The following ATP1A1 variants were observed in gnomAD, a reference collection of about 807,000 sequenced individuals.
ATP1A1 encodes sodium/potassium-transporting ATPase subunit alpha-1.
ATP1A1 carries 14 observed loss-of-function variants against 114.8 expected under a neutral mutation model. That is an observed-to-expected ratio of 0.12 (90% confidence interval 0.08 to 0.19). The LOEUF (loss-of-function observed/expected upper bound fraction) is 0.19. ATP1A1 is among the 10% of genes least tolerant of loss of function. The pLI is 1.00. For missense variants in ATP1A1, 524 were observed against 1,290.7 expected (o/e 0.41, Z 9.10); for synonymous variants, 471 against 466.3 (o/e 1.01, Z -0.13).
rs1168287662 is a variant in ATP1A1 at position 116,390,111 on chromosome 1, A to G, written c.1024-102A>G. ...CAAACTTCAGAAGAAGGTTGGAGAG[A>G]TTTAATTTTAGACAAATTTCTTCCA... On this transcript the variant is annotated intron_variant, in intron 8 of 22. Coordinates refer to ENST00000295598, the MANE Select transcript of ATP1A1 (RefSeq NM_000701.8). 6 of 1,212,632 alleles carry G rather than the reference A, an allele frequency of 4.9e-6. No individual in the cohort carries two copies. The Admixed American group carries it at 1.2e-4, about 24-fold the overall frequency. 75.1% of individuals were successfully genotyped at this position (1,212,632 alleles called of 1,614,324 possible). A position where few individuals can be genotyped will look rare whatever the true frequency, so the allele number is the denominator to read the frequency against.
chr1:116,397,860 T>A lies in ATP1A1; in HGVS notation c.1974-28T>A, dbSNP rs1367824182. The A allele has an allele frequency of 2.7e-5, 5 of 187,146 alleles. No individual in the cohort carries two copies. Among genetic ancestry groups the A allele is most frequent in the Non-Finnish European group, 4.9e-5 (5 of 103,048 alleles). The allele number at this position is 187,146 out of a possible 1,614,324, so 11.6% of individuals were successfully genotyped here. On this transcript the variant is annotated intron_variant, in intron 14 of 22. Transcript: ENST00000295598. The surrounding 1 kb of genome is among the most constrained non-coding windows in gnomAD (Gnocchi z 4.2). Reference sequence around the variant, plus strand: ...ACATGCTGGTGATGTGATGCGTGACTTTTTTTTTTTTTTTGTCCTAATTCT... The same window carrying A: ...ACATGCTGGTGATGTGATGCGTGACATTTTTTTTTTTTTTGTCCTAATTCT...
Position 116,398,167 on chromosome 1 carries a change from A to T in ATP1A1, c.2124+129A>T. The T allele has an allele frequency of 7.7e-7, 1 of 1,303,190 alleles. No homozygotes were observed. Among genetic ancestry groups the T allele is most frequent in the Non-Finnish European group, 1.0e-6 (1 of 961,332 alleles). The allele number at this position is 1,303,190 out of a possible 1,614,324, so 80.7% of individuals were successfully genotyped here. ...GTATTAGACTCAGTATAAATAGGCC[A>T]GTAGGAAGCTCATAGGCATAGAGAG... On this transcript the variant is annotated intron_variant, in intron 15 of 22. Transcript: ENST00000295598. The surrounding 1 kb of genome is among the most constrained non-coding windows in gnomAD (Gnocchi z 6.1).
At position 116,399,815 on chromosome 1, in the gene ATP1A1, T is replaced by A. The variant is rs1653279765; in HGVS notation, c.2572+272T>A. Among the ~76,000 whole-genome samples, 1 of 152,238 alleles carries A rather than the reference T, an allele frequency of 6.6e-6. No individual in the cohort carries two copies. The highest frequency in any genetic ancestry group is 2.1e-4 in the South Asian group (1 of 4,828). ...CTCAACTCTGCCTGAGAAATGAGGA[T>A]GTCCTTCCTCACTGAGCCTTGCGGA... On this transcript the variant is annotated intron_variant, in intron 18 of 22. Transcript: ENST00000295598. This position sits in a 1 kb window ranked among gnomAD's most constrained non-coding sequence, Gnocchi z 5.0.
intron 13 of ATP1A1, among the ~76,000 whole-genome samples, chr1:116,396,097 T>C (rs1003695743): frequency 2.6e-5 from 4 of 152,140 alleles, no homozygotes; most frequent in Admixed American, 2.6e-4. Flanking sequence ...GTAGAAGTTA[T>C]TTCCTCACCA....
rs1395418180 is a variant in ATP1A1, at chr1:116,401,865, T to C, written c.2951+210T>C. 2 of 598,174 alleles carry C rather than the reference T, an allele frequency of 3.3e-6. No individual in the cohort carries two copies. The highest frequency in any genetic ancestry group is 5.9e-6 in the Non-Finnish European group (2 of 339,234). The allele number at this position is 598,174 out of a possible 1,614,324, so 37.1% of individuals were successfully genotyped here. ...ATGATAGCAGCTAGTGTTTAGGATT[T>C]GGCCCAAGATAAGATAAAGCCACAC... On this transcript the variant is annotated intron_variant, in intron 21 of 22. Transcript: ENST00000295598. The surrounding 1 kb of genome is among the most constrained non-coding windows in gnomAD (Gnocchi z 4.7).
rs1651131762 is a variant in ATP1A1 at position 116,373,523 on chromosome 1, G to A, written c.12G>A (p.Gly4=). 3.4e-6 allele frequency: 5 copies of A among 1,475,156 alleles called. No individual in the cohort carries two copies. The highest frequency in any genetic ancestry group is 1.4e-5 in the South Asian group (1 of 73,484). The allele number at this position is 1,475,156 out of a possible 1,614,324, so 91.4% of individuals were successfully genotyped here. A position where few individuals can be genotyped will look rare whatever the true frequency, so the allele number is the denominator to read the frequency against. MGK[G]VGRDKYEPAA... is the part of the protein sequence containing the mutation. ...TGAGCACCGCCACCATGGGGAAGGG[G>A]GTGAGTGTCCGGCGCGCCCGGGGAG... The change falls in exon 1 of 23, where the codon GGG becomes GGA. Residue 4 remains glycine, a splice_region_variant and synonymous_variant. Transcript: ENST00000295598.
Position 116,373,273 on chromosome 1 carries a change from C to A in ATP1A1, c.-239C>A. On this transcript the variant is annotated 5_prime_UTR_variant, in exon 1 of 23. Coordinates refer to ENST00000295598, the MANE Select transcript of ATP1A1 (RefSeq NM_000701.8). Reference sequence around the variant, plus strand: ...CTGCGGCGGGGTCTGGGGCGCAGAGCAGCGGCGGGAGGAGGCGGACACGTG... The same window carrying A: ...CTGCGGCGGGGTCTGGGGCGCAGAGAAGCGGCGGGAGGAGGCGGACACGTG... 2.5e-6 allele frequency: 1 copy of A among 393,668 alleles called. No individual in the cohort carries two copies. Among genetic ancestry groups the A allele is most frequent in the Non-Finnish European group, 4.5e-6 (1 of 222,584 alleles). 24.4% of individuals were successfully genotyped at this position (393,668 alleles called of 1,614,324 possible). A position where few individuals can be genotyped will look rare whatever the true frequency, so the allele number is the denominator to read the frequency against.
Position 116,401,757 on chromosome 1 carries a change from G to C in ATP1A1, c.2951+102G>C. The C allele has an allele frequency of 8.2e-7, 1 of 1,216,798 alleles. No individual in the cohort carries two copies. The highest frequency in any genetic ancestry group is 1.2e-6 in the Non-Finnish European group (1 of 846,278). 75.4% of individuals were successfully genotyped at this position (1,216,798 alleles called of 1,614,324 possible). On this transcript the variant is annotated intron_variant, in intron 21 of 22. Coordinates refer to ENST00000295598, the MANE Select transcript of ATP1A1 (RefSeq NM_000701.8). The surrounding 1 kb of genome is among the most constrained non-coding windows in gnomAD (Gnocchi z 4.7). ...GTTGTTATTTTCAGAATTTTGAGTG[G>C]TATGTACAAAAATTCCTATGGGTTG...
chr1:116,380,844 G>A (rs1243145297), intron 1 of ATP1A1, among the ~76,000 whole-genome samples: 1 of 152,052 alleles, frequency 6.6e-6, no homozygotes, highest in Non-Finnish European at 1.5e-5. Context: ...AGGATGAAAT[G>A]ATGACGCTGT....
At chr1:116,386,143 AAAAAAAAAAAAAAAGG>A (rs1324111481) in intron 3 of ATP1A1, 1 of 148,924 alleles carries the variant, frequency 6.7e-6, no homozygotes, top group Non-Finnish European at 1.5e-5. Context: ...AAAAAAAAAA[AAAAAAAAAAAAAAAGG>A]AGAGAAGAAC....
Position 116,399,940 on chromosome 1 carries a change from T to C in ATP1A1, c.2572+397T>C, listed in dbSNP as rs1292795013. On this transcript the variant is annotated intron_variant, in intron 18 of 22. Coordinates refer to ENST00000295598, the MANE Select transcript of ATP1A1 (RefSeq NM_000701.8). This position sits in a 1 kb window ranked among gnomAD's most constrained non-coding sequence, Gnocchi z 5.0. The stretch of plus-strand genomic sequence containing the variant: ...TCACTCACTTGGATGGAGTTAGGCA[T>C]TGGAGAAAGTATATGTGTTTGAGAG... 6.6e-6 allele frequency among the ~76,000 whole-genome samples: 1 copy of C among 152,184 alleles called. No individual in the cohort carries two copies. Among genetic ancestry groups the C allele is most frequent in the Non-Finnish European group, 1.5e-5 (1 of 68,026 alleles).
Position 116,404,459 on chromosome 1 carries a change from C to T in ATP1A1, c.*15C>T, listed in dbSNP as rs779252492. On this transcript the variant is annotated 3_prime_UTR_variant, in exon 23 of 23. Coordinates refer to ENST00000295598, the MANE Select transcript of ATP1A1 (RefSeq NM_000701.8). This position sits in a 1 kb window ranked among gnomAD's most constrained non-coding sequence, Gnocchi z 4.8. Reference sequence around the variant, plus strand: ...CCTACTATTAGCCCCCCGTCCTGCACGCCGTGGAGCATCAGGCCACACACT... The same window carrying T: ...CCTACTATTAGCCCCCCGTCCTGCATGCCGTGGAGCATCAGGCCACACACT... The T allele has an allele frequency of 3.3e-5, 53 of 1,607,528 alleles. No homozygotes were observed. Among genetic ancestry groups the T allele is most frequent in the Admixed American group, 6.9e-5 (4 of 57,928 alleles).
At chr1:116,390,686 A>C (rs1414153910) in intron 9 of ATP1A1, 96 bp from the exon 10 acceptor site, 1 of 1,008,264 alleles carries the variant, frequency 9.9e-7, no homozygotes, top group Non-Finnish European at 1.5e-6. Flanking sequence ...GAGATGTATC[A>C]CTGCAGATTT....
At position 116,389,078 on chromosome 1, in the gene ATP1A1, A is replaced by C. The variant is rs1652279209; in HGVS notation, c.754+59A>C. 4.9e-6 allele frequency: 7 copies of C among 1,437,588 alleles called. No individual in the cohort carries two copies. Among genetic ancestry groups the C allele is most frequent in the Non-Finnish European group, 6.8e-6 (7 of 1,024,706 alleles). 89.1% of individuals were successfully genotyped at this position (1,437,588 alleles called of 1,614,324 possible). A position where few individuals can be genotyped will look rare whatever the true frequency, so the allele number is the denominator to read the frequency against. Reference sequence around the variant, plus strand: ...GGTATTTCTCTTGGGCATTAACAAAATCAAAACCATAGGCACAATCTCTTG... The same window carrying C: ...GGTATTTCTCTTGGGCATTAACAAACTCAAAACCATAGGCACAATCTCTTG... On this transcript the variant is annotated intron_variant, in intron 7 of 22. Coordinates refer to ENST00000295598, the MANE Select transcript of ATP1A1 (RefSeq NM_000701.8). The surrounding 1 kb of genome is among the most constrained non-coding windows in gnomAD (Gnocchi z 6.9).
intron 1 of ATP1A1, among the ~76,000 whole-genome samples, chr1:116,375,346 C>A (rs1377614165): frequency 6.6e-6 from 1 of 152,174 alleles, no homozygotes. Flanking sequence ...CTCAGAACTT[C>A]GGATGAAACG....
chr1:116,388,586 C>G lies in ATP1A1; in HGVS notation c.502-52C>G. On this transcript the variant is annotated intron_variant, in intron 5 of 22. Coordinates refer to ENST00000295598, the MANE Select transcript of ATP1A1 (RefSeq NM_000701.8). This position sits in a 1 kb window ranked among gnomAD's most constrained non-coding sequence, Gnocchi z 5.6. ...TATTTTTATTTTCTTGTTTTGGACA[C>G]TACCTTCTCTTTGTTGGTATACTAA... is the stretch of plus-strand genomic sequence containing the variant. 3 of 1,579,576 alleles carry G rather than the reference C, an allele frequency of 1.9e-6. No homozygotes were observed. Among genetic ancestry groups the G allele is most frequent in the Non-Finnish European group, 2.6e-6 (3 of 1,159,350 alleles).
chr1:116,382,424 G>A (rs1045916433), intron 1 of ATP1A1: 1 of 152,124 alleles, frequency 6.6e-6, no homozygotes, highest in Non-Finnish European at 1.5e-5. Context: ...GAGCTGTACC[G>A]AAAGAGGCAC....
Position 116,404,689 on chromosome 1 carries a change from T to G in ATP1A1, c.*245T>G. ...GAAGGTTTTTATGTGCCTTTTTGTT[T>G]TTGTAAAAAAGGAACACCCGGAAAG... On this transcript the variant is annotated 3_prime_UTR_variant, in exon 23 of 23. Coordinates refer to ENST00000295598, the MANE Select transcript of ATP1A1 (RefSeq NM_000701.8). This position sits in a 1 kb window ranked among gnomAD's most constrained non-coding sequence, Gnocchi z 4.8. The G allele has an allele frequency of 1.6e-6, 2 of 1,283,002 alleles. No homozygotes were observed. Among genetic ancestry groups the G allele is most frequent in the Non-Finnish European group, 2.0e-6 (2 of 1,019,822 alleles). The allele number at this position is 1,283,002 out of a possible 1,614,324, so 79.5% of individuals were successfully genotyped here. A position where few individuals can be genotyped will look rare whatever the true frequency, so the allele number is the denominator to read the frequency against.
rs752766501 is a variant in ATP1A1 at position 116,392,999 on chromosome 1, C to G, written c.1467+11C>G. 1 of 1,613,634 alleles carries G rather than the reference C, an allele frequency of 6.2e-7. No individual in the cohort carries two copies. The highest frequency in any genetic ancestry group is 1.1e-5 in the South Asian group (1 of 91,032). On this transcript the variant is annotated intron_variant, in intron 11 of 22. Transcript: ENST00000295598. ...ACCAACAAGTACCAGGTCTGAAGATCGATGGGTACACGGAGGGCGAGGGCA... is the reference window on the plus strand; with the variant it reads ...ACCAACAAGTACCAGGTCTGAAGATGGATGGGTACACGGAGGGCGAGGGCA...
Sources: gnomAD v4.1 joint callset for allele counts (sites outside exome capture counted in the v4.1 genomes callset) on GRCh38, gnomAD v4.1.1 for gene constraint, Gnocchi (gnomAD v3.1) non-coding constraint, MANE v1.5 for transcripts, NCBI Gene and HGNC (gene_info 2026-07-23, HGNC 2026-07-21) for gene names.